NR6A1: variants seen among roughly 807,000 people sequenced by gnomAD.
The protein encoded by NR6A1 is nuclear receptor subfamily 6 group A member 1.
NR6A1 carries 7 observed loss-of-function variants against 59.1 expected under a neutral mutation model. That is an observed-to-expected ratio of 0.12 (90% CI 0.07 to 0.22). NR6A1 has a LOEUF of 0.22. NR6A1 is among the 10% of genes least tolerant of loss of function. The pLI is 1.00. For synonymous variants in NR6A1, 243 were observed against 236.1 expected (o/e 1.03, Z -0.27); for missense variants, 468 against 611.6 (o/e 0.77, Z 2.48).
At chr9:124,741,396 A>T (rs1840169573) in intron 1 of NR6A1, among the ~76,000 whole-genome samples, 1 of 152,252 alleles carries the variant, frequency 6.6e-6, no homozygotes, top group Non-Finnish European at 1.5e-5. Context: ...AAATGCAGTC[A>T]CTTACTCCTT....
intron 2 of NR6A1, among the ~76,000 whole-genome samples, chr9:124,633,319 C>T (rs930354295): frequency 2.1e-5 from 3 of 145,690 alleles, no homozygotes; most frequent in Admixed American, 1.4e-4. Context: ...AGGAGAATGG[C>T]GTGAACCCGG....
intron 5 of NR6A1, among the ~76,000 whole-genome samples, chr9:124,538,616 C>G (rs570596984): frequency 6.6e-6 from 1 of 152,080 alleles, no homozygotes; most frequent in African/African-American, 2.4e-5. Context: ...CATGTCTGGA[C>G]AGTTTTTTAA....
intron 1 of NR6A1, among the ~76,000 whole-genome samples, chr9:124,746,383 G>A (rs963675179): frequency 3.9e-5 from 6 of 152,328 alleles, no homozygotes; most frequent in African/African-American, 1.4e-4. Flanking sequence ...GAGGTCAGGA[G>A]TTCAAGACCA....
chr9:124,745,664 T>C, intron 1 of NR6A1, among the ~76,000 whole-genome samples: 1 of 116,640 alleles, frequency 8.6e-6, no homozygotes, highest in Non-Finnish European at 1.7e-5. Flanking sequence ...AGAGTGAAAC[T>C]CTGTCTTAAA....
intron 2 of NR6A1, among the ~76,000 whole-genome samples, chr9:124,585,569 G>A (rs953094136): frequency 1.5e-5 from 2 of 129,072 alleles, no homozygotes; most frequent in African/African-American, 5.6e-5. Context: ...GGGGGGGGGG[G>A]GCAAGGTGAA....
chr9:124,606,998 T>C (rs902171644), intron 2 of NR6A1, among the ~76,000 whole-genome samples: 4 of 152,178 alleles, frequency 2.6e-5, no homozygotes, highest in Admixed American at 1.3e-4. Flanking sequence ...CCTTTAAATA[T>C]GTTGAGTAAA....
At chr9:124,639,116 T>C (rs752655741) in intron 2 of NR6A1, among the ~76,000 whole-genome samples, 28 of 152,166 alleles carry the variant, frequency 1.8e-4, no homozygotes, top group Non-Finnish European at 4.0e-4. Context: ...ACAAACTCTA[T>C]GGAACAAGTA....
chr9:124,647,914 C>G (rs1156900317), intron 2 of NR6A1, among the ~76,000 whole-genome samples: 1 of 152,034 alleles, frequency 6.6e-6, no homozygotes, highest in African/African-American at 2.4e-5. Flanking sequence ...GTATGCAAAA[C>G]TATTCCAAAA....
chr9:124,761,748 T>C (rs768508763), intron 1 of NR6A1, among the ~76,000 whole-genome samples: 179 of 152,358 alleles, frequency 1.2e-3, no homozygotes, highest in Non-Finnish European at 2.1e-3. Context: ...TTATCTCTTA[T>C]AAATTGTTCA....
At position 124,671,138 on chromosome 9, in the gene NR6A1, T is replaced by C. The variant is rs138957619; in HGVS notation, c.142+62170A>G. 3.9e-3 allele frequency among the ~76,000 whole-genome samples: 589 copies of C among 152,302 alleles called. 5 individuals carry two copies. Among genetic ancestry groups the C allele is most frequent in the Non-Finnish European group, 4.3e-3 (291 of 68,030 alleles). On this transcript the variant is annotated intron_variant, in intron 2 of 9. Coordinates refer to ENST00000487099, the MANE Select transcript of NR6A1 (RefSeq NM_033334.4). ...GGGAAATGGGAGTTGTTTTAATGGG[T>C]ACAGAATTTCAGTTTTGCAAGGTGA...
intron 2 of NR6A1, among the ~76,000 whole-genome samples, chr9:124,697,016 C>T (rs958473012): frequency 6.6e-6 from 1 of 152,140 alleles, no homozygotes; most frequent in African/African-American, 2.4e-5. Context: ...ATATCAGAAC[C>T]ACCTTCCAAA....
intron 2 of NR6A1, among the ~76,000 whole-genome samples, chr9:124,594,854 G>A (rs904248932): frequency 1.3e-5 from 2 of 152,174 alleles, no homozygotes; most frequent in Admixed American, 1.3e-4. Flanking sequence ...TGTTAGCCAC[G>A]CTGCAAGAGG....
intron 2 of NR6A1, among the ~76,000 whole-genome samples, chr9:124,693,996 T>C (rs866340610): frequency 1.3e-5 from 2 of 152,192 alleles, no homozygotes; most frequent in Admixed American, 1.3e-4. Context: ...TGATATTTTA[T>C]AGGAAGAATT....
intron 7 of NR6A1, among the ~76,000 whole-genome samples, chr9:124,530,710 CA>C (rs1833076544): frequency 6.6e-6 from 1 of 152,194 alleles, no homozygotes. Context: ...GGCCATCAGC[CA>C]CAACCTTAGA....
At chr9:124,767,547 T>C (rs1333587103) in intron 1 of NR6A1, among the ~76,000 whole-genome samples, 1 of 151,656 alleles carries the variant, frequency 6.6e-6, no homozygotes, top group Non-Finnish European at 1.5e-5. Context: ...CTGCGTGCTG[T>C]ATGTACTAAG....
chr9:124,718,575 G>A (rs920137841), intron 2 of NR6A1, among the ~76,000 whole-genome samples: 1 of 152,206 alleles, frequency 6.6e-6, no homozygotes, highest in Admixed American at 6.5e-5. Context: ...AAATGAGAGA[G>A]AATTTTTTAA....
intron 2 of NR6A1, among the ~76,000 whole-genome samples, chr9:124,566,419 C>G (rs1216582346): frequency 1.3e-5 from 2 of 152,096 alleles, no homozygotes; most frequent in African/African-American, 4.8e-5. Flanking sequence ...AAATAAAACA[C>G]AGCAGAGCAC....
At chr9:124,555,587 G>A (rs1833899436) in intron 2 of NR6A1, among the ~76,000 whole-genome samples, 1 of 152,184 alleles carries the variant, frequency 6.6e-6, no homozygotes, top group Non-Finnish European at 1.5e-5. Context: ...CTGCATTCCA[G>A]CCTGAGCGAC....
intron 2 of NR6A1, among the ~76,000 whole-genome samples, chr9:124,699,202 T>C (rs915580074): frequency 6.6e-6 from 1 of 152,216 alleles, no homozygotes; most frequent in Non-Finnish European, 1.5e-5. Context: ...CTGATGGTGC[T>C]GCTCCACAGG....
Sources: gnomAD v4.1 joint callset for allele counts (sites outside exome capture counted in the v4.1 genomes callset) on GRCh38, gnomAD v4.1.1 for gene constraint, MANE v1.5 for transcripts, NCBI Gene and HGNC (gene_info 2026-07-23, HGNC 2026-07-21) for gene names.